The following SLC47A1 variants were observed in gnomAD, a reference collection of about 807,000 sequenced individuals.
SLC47A1 encodes solute carrier family 47 member 1.
Under a neutral mutation model 65.8 loss-of-function variants are expected in SLC47A1, and 58 were observed. That is an observed-to-expected ratio of 0.88 (90% CI 0.71 to 1.10). The LOEUF (loss-of-function observed/expected upper bound fraction) is 1.10, where lower values mean the gene tolerates loss of function less well. Ranked by LOEUF, SLC47A1 falls within the 50% of genes least tolerant of loss-of-function variation. The probability of loss-of-function intolerance (pLI) is 0.00; values close to 1 mark genes in which losing one functional copy is unlikely to be tolerated. For missense variants in SLC47A1, 706 were observed against 719.2 expected, an observed-to-expected ratio of 0.98 and a Z score of 0.21; for synonymous variants, 285 against 295.0, an observed-to-expected ratio of 0.97 and a Z score of 0.35.
In SLC47A1 at chr17:19,542,388, C is replaced by T. The variant is rs1916172600; in HGVS notation, c.136-5C>T. The stretch of plus-strand genomic sequence containing the variant: ...ACGTCCCTTCCCGTTCCCCTCTCTT[C>T]CCAGTTCTTGGTTCAGCTGATGGTG... On this transcript the variant is annotated splice_polypyrimidine_tract_variant and splice_region_variant and intron_variant, in intron 1 of 16. Transcript: ENST00000270570. 1 of 1,598,562 alleles carries T rather than the reference C, an allele frequency of 6.3e-7. No homozygotes were observed.
At chr17:19,555,047 G>C (rs1328592259) in intron 6 of SLC47A1, among the ~76,000 whole-genome samples, 165 bp from the exon 7 acceptor site, 1 of 152,120 alleles carries the variant, frequency 6.6e-6, no homozygotes, top group Non-Finnish European at 1.5e-5. Flanking sequence ...GGGTGGGAGA[G>C]TGGAAAGGCA....
At chr17:19,568,450 C>T (rs994557601) in intron 14 of SLC47A1, among the ~76,000 whole-genome samples, 1 of 152,110 alleles carries the variant, frequency 6.6e-6, no homozygotes, top group Admixed American at 6.5e-5. Context: ...TTTTATGTAA[C>T]ACAATATGTC....
intron 12 of SLC47A1, among the ~76,000 whole-genome samples, chr17:19,563,290 G>A (rs1436186703): frequency 3.3e-5 from 5 of 151,640 alleles, no homozygotes; most frequent in African/African-American, 4.8e-5. Flanking sequence ...CCGCCACCAC[G>A]CTCGGCTAAT....
chr17:19,540,163 A>G (rs1457053736), intron 1 of SLC47A1, among the ~76,000 whole-genome samples: 1 of 152,110 alleles, frequency 6.6e-6, no homozygotes, highest in East Asian at 1.9e-4. Context: ...ACTGGCCCCC[A>G]CCCAAGTGAG....
chr17:19,541,648 C>T lies in SLC47A1; in HGVS notation c.136-745C>T, dbSNP rs375897092. Among the ~76,000 whole-genome samples, 440 of 152,308 alleles carry T rather than the reference C, an allele frequency of 2.9e-3. 24 individuals carry two copies. The South Asian group carries it at 0.085, about 29-fold the overall frequency. ...TGGGACTCCAAGTGGACGATCTCATCGCTACCTCCAGCTCCTCCTGTCTAC... is the reference window on the plus strand; with the variant it reads ...TGGGACTCCAAGTGGACGATCTCATTGCTACCTCCAGCTCCTCCTGTCTAC... On this transcript the variant is annotated intron_variant, in intron 1 of 16. Coordinates refer to ENST00000270570, the MANE Select transcript of SLC47A1 (RefSeq NM_018242.3).
intron 14 of SLC47A1, among the ~76,000 whole-genome samples, chr17:19,567,468 C>A (rs1456653978): frequency 6.6e-6 from 1 of 152,208 alleles, no homozygotes; most frequent in African/African-American, 2.4e-5. Flanking sequence ...CACGCTGACA[C>A]ACTTGAGCAC....
intron 5 of SLC47A1, among the ~76,000 whole-genome samples, chr17:19,550,545 C>T (rs1393277890): frequency 6.6e-6 from 1 of 152,116 alleles, no homozygotes; most frequent in South Asian, 2.1e-4. Context: ...CAAACTCCTG[C>T]GTTCAAGCAA....
rs182438336 is a variant in SLC47A1 at position 19,538,927 on chromosome 17, C to T, written c.136-3466C>T. Reference sequence around the variant, plus strand: ...ACTGTGACAAGAAGGGACGGAAGCACGGTCAGTCTGGAAGTTTCTTTGTTT... The same window carrying T: ...ACTGTGACAAGAAGGGACGGAAGCATGGTCAGTCTGGAAGTTTCTTTGTTT... On this transcript the variant is annotated intron_variant, in intron 1 of 16. Transcript: ENST00000270570. Among the ~76,000 whole-genome samples the T allele has an allele frequency of 5.3e-5, 8 of 152,236 alleles. No individual in the cohort carries two copies. The East Asian group carries it at 5.8e-4, about 11-fold the overall frequency.
chr17:19,533,856 T>G lies in SLC47A1; in HGVS notation c.-84T>G. The G allele has an allele frequency of 7.4e-7, 1 of 1,360,244 alleles. No homozygotes were observed. The highest frequency in any genetic ancestry group is 1.7e-5 in the South Asian group (1 of 59,330). 84.3% of individuals were successfully genotyped at this position (1,360,244 alleles called of 1,614,324 possible). A position where few individuals can be genotyped will look rare whatever the true frequency, so the allele number is the denominator to read the frequency against. ...GCAGGCTGCACTGCGCGGTACCCAC[T>G]GCCGGCCTGCGCGGTACTCACTGCC... is the stretch of plus-strand genomic sequence containing the variant. On this transcript the variant is annotated 5_prime_UTR_variant, in exon 1 of 17. Transcript: ENST00000270570.
chr17:19,572,714 G>C, intron 15 of SLC47A1, 66 bp from the exon 16 acceptor site: 2 of 1,460,324 alleles, frequency 1.4e-6, no homozygotes, highest in South Asian at 2.3e-5. Flanking sequence ...TCCTAAACTA[G>C]GTGGTCAAGT....
At chr17:19,559,784 C>T (rs957113674) in intron 10 of SLC47A1, among the ~76,000 whole-genome samples, 105 of 152,124 alleles carry the variant, frequency 6.9e-4, no homozygotes, top group African/African-American at 2.2e-3. Context: ...CCACCTGCCT[C>T]GGCCTCCCAA....
intron 15 of SLC47A1, among the ~76,000 whole-genome samples, chr17:19,572,322 C>T (rs1435711659): frequency 1.3e-5 from 2 of 152,026 alleles, no homozygotes; most frequent in Non-Finnish European, 2.9e-5. Context: ...GAGACAGGCT[C>T]TCACTCTGTC....
At chr17:19,573,775 A>G (rs777242839) in intron 16 of SLC47A1, among the ~76,000 whole-genome samples, 2 of 152,100 alleles carry the variant, frequency 1.3e-5, no homozygotes, top group Non-Finnish European at 2.9e-5. Flanking sequence ...TTATCTTCAG[A>G]GAGGATTTTC....
At chr17:19,540,878 C>CACACACACACACACACACA (rs879334096) in intron 1 of SLC47A1, among the ~76,000 whole-genome samples, 7 of 127,130 alleles carry the variant, frequency 5.5e-5, no homozygotes, top group African/African-American at 2.5e-4. Flanking sequence ...ACACACACAC[C>CACACACACACACACACACA]CCTAGGGTTA....
intron 16 of SLC47A1, among the ~76,000 whole-genome samples, chr17:19,576,363 T>C (rs939685243): frequency 1.4e-5 from 2 of 147,730 alleles, no homozygotes; most frequent in African/African-American, 5.0e-5. Flanking sequence ...TTTTTTTTTT[T>C]TTTTTTGACA....
rs1177259402 is a variant in SLC47A1, at chr17:19,567,217, T to C, written c.1298T>C (p.Leu433Pro). Reference protein sequence around the residue: ...IGIALMFATTLGVMGLWSGII... With the variant: ...IGIALMFATTPGVMGLWSGII... ...ATCGCGCTGATGTTTGCAACCACAC[T>C]TGGAGTGATGGGTAAGCTCTAACCT... is the stretch of plus-strand genomic sequence containing the variant. The change falls in exon 14 of 17, where the codon CTT (leucine) becomes CCT (proline). Residue 433 changes from leucine (L) to proline (P), a missense_variant. Physicochemically the swap from Leu to Pro is moderately conservative, Grantham distance 98 (BLOSUM62 -3). Transcript: ENST00000270570. 1 of 1,614,184 alleles carries C rather than the reference T, an allele frequency of 6.2e-7. No individual in the cohort carries two copies. The highest frequency in any genetic ancestry group is 2.2e-5 in the East Asian group (1 of 44,886).
chr17:19,565,493 A>G (rs569020812), intron 12 of SLC47A1, among the ~76,000 whole-genome samples: 2 of 151,938 alleles, frequency 1.3e-5, no homozygotes, highest in Non-Finnish European at 2.9e-5. Context: ...TACACTGACC[A>G]GATGGACTAT....
chr17:19,546,620 C>T, intron 3 of SLC47A1, 117 bp downstream of exon 3: 1 of 885,952 alleles, frequency 1.1e-6, no homozygotes, highest in Non-Finnish European at 1.8e-6. Context: ...ACCTATCAGC[C>T]AGCAACTCCT....
At chr17:19,547,867 C>G in intron 3 of SLC47A1, 118 bp from the exon 4 acceptor site, 1 of 1,133,564 alleles carries the variant, frequency 8.8e-7, no homozygotes, top group South Asian at 1.8e-5. Context: ...GGATTACAGG[C>G]GTGAGCCACC....
Sources: gnomAD v4.1 joint callset for allele counts (sites outside exome capture counted in the v4.1 genomes callset) on GRCh38, gnomAD v4.1.1 for gene constraint, MANE v1.5 for transcripts, NCBI Gene and HGNC (gene_info 2026-07-23, HGNC 2026-07-21) for gene names.